FAM107B: variants seen among roughly 807,000 people sequenced by gnomAD.
FAM107B encodes family with sequence similarity 107 member B.
FAM107B carries 21 observed loss-of-function variants against 31.5 expected under a neutral mutation model. That is an observed-to-expected ratio of 0.67 (90% CI 0.47 to 0.96). The LOEUF is 0.96. Ranked by LOEUF, FAM107B falls within the 40% of genes least tolerant of loss-of-function variation. The pLI is 0.00. For missense variants in FAM107B, 452 were observed against 377.1 expected (o/e 1.20, Z -1.64); for synonymous variants, 157 against 141.5 (o/e 1.11, Z -0.78).
rs751485123 is a variant in FAM107B at position 14,571,829 on chromosome 10, T to C, written c.470-41314A>G. 13 of 985,452 alleles carry C rather than the reference T, an allele frequency of 1.3e-5. No homozygotes were observed. The East Asian group carries it at 3.4e-4, about 26-fold the overall frequency. 61.0% of individuals were successfully genotyped at this position (985,452 alleles called of 1,614,324 possible). A position where few individuals can be genotyped will look rare whatever the true frequency, so the allele number is the denominator to read the frequency against. ...TTCAAGGTGGTGAAAAATCATCCTT[T>C]AGCAAGAGAAGAGTTAGCCCAGGAA... On this transcript the variant is annotated intron_variant, in intron 2 of 4. Transcript: ENST00000181796.
chr10:14,737,451 A>G (rs1332400553), intron 1 of FAM107B, among the ~76,000 whole-genome samples: 1 of 152,016 alleles, frequency 6.6e-6, no homozygotes, highest in Non-Finnish European at 1.5e-5. Context: ...CGTCTCTACT[A>G]AAAATACAAA....
intron 2 of FAM107B, among the ~76,000 whole-genome samples, chr10:14,664,569 C>T (rs1411285464): frequency 2.0e-5 from 3 of 152,176 alleles, no homozygotes; most frequent in Admixed American, 1.3e-4. Flanking sequence ...ACATGCCATA[C>T]AGGTTTGTAG....
intron 1 of FAM107B, among the ~76,000 whole-genome samples, chr10:14,767,055 T>TATATATATATAGAGAG (rs1440609298): frequency 3.8e-4 from 7 of 18,278 alleles, no homozygotes; most frequent in African/African-American, 6.1e-4. Context: ...TATATATATA[T>TATATATATATAGAGAG]AGAGAGAGAG....
chr10:14,628,517 T>C (rs755667891), intron 2 of FAM107B, among the ~76,000 whole-genome samples: 10 of 152,310 alleles, frequency 6.6e-5, no homozygotes, highest in Non-Finnish European at 1.3e-4. Flanking sequence ...AAACCCCAAC[T>C]TCCTTGGGAA....
At chr10:14,526,428 G>A (rs759384618) in intron 3 of FAM107B, among the ~76,000 whole-genome samples, 4 of 152,096 alleles carry the variant, frequency 2.6e-5, no homozygotes, top group Admixed American at 1.3e-4. Context: ...TGCCTGCCTC[G>A]GCCTCCCAGA....
At chr10:14,522,133 T>C (rs1845715700) in intron 3 of FAM107B, 114 bp from the exon 4 acceptor site, 1 of 1,341,668 alleles carries the variant, frequency 7.5e-7, no homozygotes, top group Non-Finnish European at 1.0e-6. Context: ...AAAATTAGTA[T>C]GATACCTACT....
At chr10:14,570,233 GGTGTGTGT>G (rs57206586) in intron 2 of FAM107B, among the ~76,000 whole-genome samples, 3,548 of 140,392 alleles carry the variant, frequency 0.025, 70 homozygotes, top group Non-Finnish European at 0.036. Flanking sequence ...AAATGTGGTG[GGTGTGTGT>G]GTGTGTGTGT....
chr10:14,584,790 A>C (rs1851772224), intron 2 of FAM107B, among the ~76,000 whole-genome samples: 1 of 151,890 alleles, frequency 6.6e-6, no homozygotes, highest in Non-Finnish European at 1.5e-5. Flanking sequence ...TGCAACCCCC[A>C]CCTTTTCTGC....
chr10:14,673,556 A>AT (rs1424253959), intron 1 of FAM107B, among the ~76,000 whole-genome samples: 1 of 152,182 alleles, frequency 6.6e-6, no homozygotes, highest in Admixed American at 6.5e-5. Context: ...ACTCAGGTTG[A>AT]TTCCGTATCT....
intron 2 of FAM107B, among the ~76,000 whole-genome samples, chr10:14,604,795 ATC>A (rs1418885180): frequency 6.6e-6 from 1 of 150,688 alleles, no homozygotes; most frequent in Non-Finnish European, 1.5e-5. Context: ...CTCTTCTTTT[ATC>A]TCTTTCTCTC....
chr10:14,521,274 CTCT>C lies in FAM107B; in HGVS notation c.834_836del (p.Glu279del), dbSNP rs754493541. ...TCACAAACTCGGGGGCATTTTCTTG[CTCT>C]TCTTGCAATTTCTGCTTCTCAAGTT... On this transcript the variant is annotated inframe_deletion, in exon 5 of 5. Coordinates refer to ENST00000181796, the MANE Select transcript of FAM107B (RefSeq NM_031453.4). The C allele has an allele frequency of 1.2e-6, 2 of 1,614,110 alleles. No individual in the cohort carries two copies. The highest frequency in any genetic ancestry group is 4.5e-5 in the East Asian group (2 of 44,874).
intron 2 of FAM107B, among the ~76,000 whole-genome samples, chr10:14,641,474 G>A (rs915884232): frequency 1.3e-5 from 2 of 152,092 alleles, no homozygotes; most frequent in South Asian, 4.1e-4. Context: ...CTTAAACAAC[G>A]GAAATTCATT....
At chr10:14,706,293 CA>C (rs1007544700) in intron 1 of FAM107B, among the ~76,000 whole-genome samples, 2 of 152,116 alleles carry the variant, frequency 1.3e-5, no homozygotes, top group African/African-American at 4.8e-5. Flanking sequence ...ATTGCAGCCT[CA>C]AACTCCAAAT....
At position 14,582,599 on chromosome 10, in the gene FAM107B, G is replaced by C. The variant is rs531399359; in HGVS notation, c.470-52084C>G. On this transcript the variant is annotated intron_variant, in intron 2 of 4. Transcript: ENST00000181796. ...TCACCATGTTAACCAGGATGGTCTC[G>C]ATCTCCTGACCTTGTGATCTGCCCC... 4.0e-3 allele frequency among the ~76,000 whole-genome samples: 600 copies of C among 151,440 alleles called. 3 individuals carry two copies. The highest frequency in any genetic ancestry group is 7.1e-3 in the Non-Finnish European group (479 of 67,838).
intron 2 of FAM107B, among the ~76,000 whole-genome samples, chr10:14,608,687 G>T (rs567595031): frequency 3.9e-5 from 6 of 152,314 alleles, no homozygotes; most frequent in African/African-American, 1.4e-4. Context: ...AAGGCCCCTG[G>T]AGCTCTAGCG....
intron 2 of FAM107B, among the ~76,000 whole-genome samples, chr10:14,629,804 G>A (rs957007653): frequency 2.6e-5 from 4 of 151,090 alleles, no homozygotes; most frequent in Non-Finnish European, 5.9e-5. Flanking sequence ...GAGCCACCAC[G>A]CCTGGCCCAT....
At chr10:14,760,299 G>A (rs1436414528) in intron 1 of FAM107B, among the ~76,000 whole-genome samples, 1 of 152,170 alleles carries the variant, frequency 6.6e-6, no homozygotes, top group Non-Finnish European at 1.5e-5. Context: ...GGCAGAGAAC[G>A]AACCTCTGGA....
intron 2 of FAM107B, among the ~76,000 whole-genome samples, chr10:14,656,478 A>T (rs1434970782): frequency 2.0e-5 from 3 of 152,188 alleles, no homozygotes; most frequent in African/African-American, 7.2e-5. Context: ...ATGTCATCAG[A>T]ATGGAAGGAG....
At chr10:14,680,057 A>G (rs1480210072) in intron 1 of FAM107B, among the ~76,000 whole-genome samples, 1 of 152,156 alleles carries the variant, frequency 6.6e-6, no homozygotes, top group African/African-American at 2.4e-5. Context: ...TTATATGTTC[A>G]GCAATCCTAT....
Sources: gnomAD v4.1 joint callset for allele counts (sites outside exome capture counted in the v4.1 genomes callset) on GRCh38, gnomAD v4.1.1 for gene constraint, MANE v1.5 for transcripts, NCBI Gene and HGNC (gene_info 2026-07-23, HGNC 2026-07-21) for gene names.